Variants in MIS18BP1 observed in about 807,000 individuals in gnomAD.
MIS18BP1 encodes the protein MIS18 binding protein 1, also known as mis18-binding protein 1.
Under a neutral mutation model 116.1 loss-of-function variants are expected in MIS18BP1, and 72 were observed. The ratio of observed to expected loss-of-function variants is 0.62; its 90% CI spans 0.51 to 0.75. The LOEUF (loss-of-function observed/expected upper bound fraction) is 0.75, where lower values mean the gene tolerates loss of function less well. Ranked by LOEUF, MIS18BP1 falls within the 30% of genes least tolerant of loss-of-function variation. MIS18BP1 has a pLI of 0.00. For synonymous variants in MIS18BP1, 386 were observed against 427.0 expected, an observed-to-expected ratio of 0.90 and a Z score of 1.18; for missense variants, 1,363 against 1,303.2, an observed-to-expected ratio of 1.05 and a Z score of -0.71.
intron 4 of MIS18BP1, among the ~76,000 whole-genome samples, chr14:45,238,309 G>A (rs1364673373): frequency 6.6e-6 from 1 of 151,888 alleles, no homozygotes. Flanking sequence ...TCTATGCAAA[G>A]AAATTCTTGA....
chr14:45,212,552 G>A (rs1376463141), intron 13 of MIS18BP1, among the ~76,000 whole-genome samples: 1 of 152,150 alleles, frequency 6.6e-6, no homozygotes, highest in African/African-American at 2.4e-5. Context: ...GCCAGCACCA[G>A]GGAAAAGCAA....
At chr14:45,216,878 TG>T in intron 13 of MIS18BP1, 140 bp downstream of exon 13, 3 of 841,506 alleles carry the variant, frequency 3.6e-6, no homozygotes, top group Non-Finnish European at 5.4e-6. Flanking sequence ...ATCAGCACAT[TG>T]TTTGCCATAA....
chr14:45,235,785 A>G (rs1427551656), intron 6 of MIS18BP1, 29 bp downstream of exon 6: 2 of 1,562,554 alleles, frequency 1.3e-6, no homozygotes, highest in East Asian at 2.3e-5. Flanking sequence ...ACTTCTTAAA[A>G]TAACTTATCA....
chr14:45,238,114 AG>A (rs1891476327), intron 4 of MIS18BP1, among the ~76,000 whole-genome samples: 2 of 133,442 alleles, frequency 1.5e-5, no homozygotes, highest in South Asian at 4.8e-4. Context: ...AAAAATTAAG[AG>A]TTTTTTTTTT....
chr14:45,214,225 C>G (rs932699634), intron 13 of MIS18BP1, among the ~76,000 whole-genome samples: 2 of 152,198 alleles, frequency 1.3e-5, no homozygotes, highest in African/African-American at 2.4e-5. Context: ...TCCTGCTCGT[C>G]CCTGGGCAAT....
intron 11 of MIS18BP1, among the ~76,000 whole-genome samples, chr14:45,222,176 T>A (rs1890993451): frequency 6.6e-6 from 1 of 152,256 alleles, no homozygotes; most frequent in Non-Finnish European, 1.5e-5. Flanking sequence ...ATCATGTTTT[T>A]AAATTCATTC....
intron 11 of MIS18BP1, among the ~76,000 whole-genome samples, chr14:45,222,166 A>T (rs762826346): frequency 6.6e-6 from 1 of 152,172 alleles, no homozygotes; most frequent in African/African-American, 2.4e-5. Flanking sequence ...ATATAGTTAG[A>T]TCATGTTTTT....
Position 45,246,846 on chromosome 14 carries a change from G to C in MIS18BP1, c.441C>G (p.Thr147=). The change falls in exon 2 of 17, where the codon ACC becomes ACG. Residue 147 remains threonine, a synonymous_variant. Transcript: ENST00000310806. The part of the protein sequence containing the change: ...LEPQKSGNNE[T]FTPNRVEKKK... ...TTTTTTCAACTCTGTTAGGAGTGAA[G>C]GTTTCATTATTTCCACTTTTCTGTG... The C allele has an allele frequency of 6.2e-7, 1 of 1,611,594 alleles. No individual in the cohort carries two copies. The highest frequency in any genetic ancestry group is 8.5e-7 in the Non-Finnish European group (1 of 1,179,454).
intron 2 of MIS18BP1, among the ~76,000 whole-genome samples, chr14:45,244,825 C>T (rs116958675): frequency 0.021 from 3,233 of 152,268 alleles, 62 homozygotes; most frequent in Middle Eastern, 0.051. Context: ...AATCCACCAA[C>T]ATCTGTGTAA....
rs936193150 is a variant in MIS18BP1, at chr14:45,246,732, A to T, written c.544+11T>A. 8 of 1,542,618 alleles carry T rather than the reference A, an allele frequency of 5.2e-6. No individual in the cohort carries two copies. The highest frequency in any genetic ancestry group is 6.9e-6 in the Non-Finnish European group (8 of 1,152,390). On this transcript the variant is annotated intron_variant, in intron 2 of 16. Coordinates refer to ENST00000310806, the MANE Select transcript of MIS18BP1 (RefSeq NM_018353.5). ...GACATTACAGCTTTTTAGCTAACAC[A>T]TAAAACTAACCTCTTAGTGAACTGT...
At chr14:45,228,654 A>T (rs1891191214) in intron 8 of MIS18BP1, among the ~76,000 whole-genome samples, 1 of 152,232 alleles carries the variant, frequency 6.6e-6, no homozygotes, top group East Asian at 1.9e-4. Context: ...AAAAGTATAA[A>T]AACATTTTGT....
intron 13 of MIS18BP1, among the ~76,000 whole-genome samples, chr14:45,216,789 A>C (rs1380963001): frequency 1.3e-5 from 2 of 152,208 alleles, no homozygotes; most frequent in Non-Finnish European, 2.9e-5. Flanking sequence ...TTCTAGGTTT[A>C]CTTTACTGTT....
chr14:45,210,347 G>C (rs1301341618), intron 14 of MIS18BP1, 33 bp downstream of exon 14: 1 of 1,600,274 alleles, frequency 6.2e-7, no homozygotes, highest in Non-Finnish European at 8.5e-7. Flanking sequence ...CTCTGATGCA[G>C]AGAATTAACA....
intron 1 of MIS18BP1, among the ~76,000 whole-genome samples, chr14:45,249,280 C>T (rs773050481): frequency 6.6e-6 from 1 of 152,046 alleles, no homozygotes; most frequent in Admixed American, 6.6e-5. Context: ...TTAGTAGAGA[C>T]GGGGTTTCAC....
chr14:45,219,714 T>C (rs1049297145), intron 11 of MIS18BP1, among the ~76,000 whole-genome samples: 1 of 152,346 alleles, frequency 6.6e-6, no homozygotes. Context: ...TAAATACTTG[T>C]TAATGAATTC....
rs534277382 is a variant in MIS18BP1, at chr14:45,213,466, G to A, written c.3004-2938C>T. On this transcript the variant is annotated intron_variant, in intron 13 of 16. Coordinates refer to ENST00000310806, the MANE Select transcript of MIS18BP1 (RefSeq NM_018353.5). ...CTTAATTTCTCTTGTGTAAAACAGA[G>A]ATAATAACACCTATTTCTGAAGGTT... 3.9e-5 allele frequency among the ~76,000 whole-genome samples: 6 copies of A among 152,308 alleles called. No individual in the cohort carries two copies. The South Asian group carries it at 1.2e-3, about 32-fold the overall frequency.
chr14:45,210,302 A>G (rs1890639942), intron 14 of MIS18BP1, 78 bp downstream of exon 14: 19 of 1,419,888 alleles, frequency 1.3e-5, no homozygotes, highest in African/African-American at 2.9e-5. Flanking sequence ...ACTGGCATCT[A>G]TGGTCCTCAT....
Position 45,227,736 on chromosome 14 carries a change from G to C in MIS18BP1, c.1673C>G (p.Pro558Arg). 6.2e-7 allele frequency: 1 copy of C among 1,613,524 alleles called. No individual in the cohort carries two copies. The highest frequency in any genetic ancestry group is 8.5e-7 in the Non-Finnish European group (1 of 1,179,552). ...TTGGTCATCTGGGAACCTTAATGTT[G>C]GTTTATTTTGGCAATTACTGTGGCA... The part of the protein sequence containing the change: ...NMCHSNCQNK[P>R]TLRFPDDQVN... Residue 558 changes from proline (P) to arginine (R), a missense_variant, in exon 9 of 17, where the codon CCA (proline) becomes CGA (arginine). By Grantham distance (103) the Pro-to-Arg change is moderately radical. Transcript: ENST00000310806.
intron 14 of MIS18BP1, among the ~76,000 whole-genome samples, chr14:45,207,783 T>C (rs906969654): frequency 6.6e-6 from 1 of 152,204 alleles, no homozygotes; most frequent in African/African-American, 2.4e-5. Context: ...CTTAAAACTG[T>C]TATGAAAAGT....
Sources: gnomAD v4.1 joint callset for allele counts (sites outside exome capture counted in the v4.1 genomes callset) on GRCh38, gnomAD v4.1.1 for gene constraint, MANE v1.5 for transcripts, NCBI Gene and HGNC (gene_info 2026-07-23, HGNC 2026-07-21) for gene names.